The following CSMD2 variants were observed in gnomAD, a reference collection of about 807,000 sequenced individuals.
CSMD2 encodes CUB and Sushi multiple domains 2, also known as CUB and sushi domain-containing protein 2.
Under a neutral mutation model 398.5 loss-of-function variants are expected in CSMD2, and 130 were observed. The observed-to-expected ratio is 0.33, with a 90% confidence interval of 0.28 to 0.38. CSMD2 has a LOEUF of 0.38. Among genes scored for constraint, CSMD2 ranks in the 10% least tolerant of loss-of-function variants. CSMD2 has a pLI of 1.00. For synonymous variants in CSMD2, 1,828 were observed against 1,908.5 expected, an observed-to-expected ratio of 0.96 and a Z score of 1.10; for missense variants, 3,829 against 4,764.9, an observed-to-expected ratio of 0.80 and a Z score of 5.78.
At chr1:33,857,298 C>T (rs1639168726) in intron 5 of CSMD2, among the ~76,000 whole-genome samples, 2 of 152,172 alleles carry the variant, frequency 1.3e-5, no homozygotes, top group South Asian at 4.1e-4. Flanking sequence ...GAGAATTCCT[C>T]TCTTCTTGTA....
In CSMD2 at chr1:33,825,178, G is replaced by A. The variant is rs553247832; in HGVS notation, c.1111+519C>T. 2.7e-5 allele frequency among the ~76,000 whole-genome samples: 4 copies of A among 149,984 alleles called. No homozygotes were observed. The South Asian group carries it at 6.3e-4, about 24-fold the overall frequency. On this transcript the variant is annotated intron_variant, in intron 7 of 70. Transcript: ENST00000373381. Reference sequence around the variant, plus strand: ...GCCCCCAGTGCCTCCCCATTGACCCGAGGCAGGACCCACCCCCACACTTCC... The same window carrying A: ...GCCCCCAGTGCCTCCCCATTGACCCAAGGCAGGACCCACCCCCACACTTCC...
intron 4 of CSMD2, among the ~76,000 whole-genome samples, chr1:33,927,547 A>C (rs1644168946): frequency 6.6e-6 from 1 of 152,174 alleles, no homozygotes; most frequent in Admixed American, 6.5e-5. Context: ...ACAGAGGCTC[A>C]GTGAGTTTTT....
intron 5 of CSMD2, among the ~76,000 whole-genome samples, chr1:33,902,815 G>C (rs1335122364): frequency 6.6e-6 from 1 of 152,116 alleles, no homozygotes; most frequent in African/African-American, 2.4e-5. Flanking sequence ...CCTGAGAGTG[G>C]GAAGCCTGTT....
intron 1 of CSMD2, among the ~76,000 whole-genome samples, chr1:34,125,604 C>T (rs1662663934): frequency 1.3e-5 from 2 of 151,990 alleles, no homozygotes; most frequent in African/African-American, 4.8e-5. Context: ...ACCGTGGTTG[C>T]TCACCAAAAT....
chr1:33,734,488 A>G (rs1646820250), intron 15 of CSMD2, among the ~76,000 whole-genome samples: 1 of 152,118 alleles, frequency 6.6e-6, no homozygotes, highest in Non-Finnish European at 1.5e-5. Flanking sequence ...TTAAAATTTA[A>G]AAAATGAAAA....
rs1641334833 is a variant in CSMD2, at chr1:33,882,894, A to T, written c.920+35200T>A. Among the ~76,000 whole-genome samples the T allele has an allele frequency of 2.0e-5, 3 of 152,192 alleles. No homozygotes were observed. In the South Asian group the frequency reaches 6.2e-4, roughly 32 times the overall value. On this transcript the variant is annotated intron_variant, in intron 5 of 70. Coordinates refer to ENST00000373381, the MANE Select transcript of CSMD2 (RefSeq NM_001281956.2). Reference sequence around the variant, plus strand: ...TGGCTACGGATGCAGTCTAGAGCCAACAGGAGCACCAAATTCAGGCAATCA... The same window carrying T: ...TGGCTACGGATGCAGTCTAGAGCCATCAGGAGCACCAAATTCAGGCAATCA...
intron 5 of CSMD2, among the ~76,000 whole-genome samples, chr1:33,907,337 C>A (rs898692761): frequency 1.3e-5 from 2 of 151,628 alleles, no homozygotes; most frequent in African/African-American, 4.8e-5. Flanking sequence ...CCCTGTTAGC[C>A]AGGATGGTCT....
At chr1:34,058,424 C>T (rs1482793701) in intron 2 of CSMD2, among the ~76,000 whole-genome samples, 2 of 152,178 alleles carry the variant, frequency 1.3e-5, no homozygotes, top group Admixed American at 1.3e-4. Flanking sequence ...AAATCCTCTA[C>T]ATTCCTATAG....
intron 25 of CSMD2, among the ~76,000 whole-genome samples, chr1:33,678,167 C>T (rs1644782689): frequency 6.6e-6 from 1 of 151,782 alleles, no homozygotes; most frequent in Admixed American, 6.6e-5. Flanking sequence ...TGCTCATTCT[C>T]TTGCCATGTG....
At chr1:34,161,816 G>C (rs1344681326) in intron 1 of CSMD2, among the ~76,000 whole-genome samples, 1 of 152,010 alleles carries the variant, frequency 6.6e-6, no homozygotes, top group African/African-American at 2.4e-5. Flanking sequence ...GGCCAAGAAG[G>C]CTTCTTGGCT....
intron 53 of CSMD2, among the ~76,000 whole-genome samples, chr1:33,561,399 C>A (rs1658529302): frequency 6.6e-6 from 1 of 152,162 alleles, no homozygotes; most frequent in South Asian, 2.1e-4. Flanking sequence ...TCACTTTGAG[C>A]CTTGGTTTCT....
chr1:34,095,631 C>T (rs1220598077), intron 1 of CSMD2, among the ~76,000 whole-genome samples: 2 of 151,860 alleles, frequency 1.3e-5, no homozygotes, highest in Non-Finnish European at 2.9e-5. Context: ...ACTACAAACA[C>T]CTCTACGCAA....
intron 3 of CSMD2, among the ~76,000 whole-genome samples, chr1:33,943,178 T>C (rs529700296): frequency 6.6e-6 from 1 of 152,308 alleles, no homozygotes; most frequent in East Asian, 1.9e-4. Context: ...AAGATTAATT[T>C]TTAAAAAAAG....
chr1:33,936,028 A>G, intron 3 of CSMD2, 74 bp from the exon 4 acceptor site: 1 of 1,347,678 alleles, frequency 7.4e-7, no homozygotes, highest in South Asian at 1.4e-5. Flanking sequence ...GCTTCCTAGT[A>G]GCAACTCCCT....
chr1:33,548,000 G>A (rs891632992), intron 56 of CSMD2, among the ~76,000 whole-genome samples: 1 of 152,212 alleles, frequency 6.6e-6, no homozygotes, highest in African/African-American at 2.4e-5. Context: ...TCGTGATAGT[G>A]AGTGAGTTCT....
intron 52 of CSMD2, 36 bp downstream of exon 52, chr1:33,569,338 A>G: frequency 6.3e-7 from 1 of 1,583,454 alleles, no homozygotes; most frequent in Non-Finnish European, 8.6e-7. Flanking sequence ...CTCAAGGAGA[A>G]AAACTGGGCA....
chr1:33,702,240 T>C (rs954599452), intron 22 of CSMD2, among the ~76,000 whole-genome samples: 3 of 152,218 alleles, frequency 2.0e-5, no homozygotes, highest in Non-Finnish European at 2.9e-5. Flanking sequence ...GTGGACCTTA[T>C]TGAATCCTGA....
intron 44 of CSMD2, among the ~76,000 whole-genome samples, chr1:33,590,595 TCACACACACACACACACACA>T (rs10611040): frequency 2.2e-5 from 3 of 137,640 alleles, no homozygotes; most frequent in Non-Finnish European, 3.1e-5. Flanking sequence ...CTATTTCCCA[TCACACACACACACACACACA>T]CACACACACA....
Position 33,739,328 on chromosome 1 carries a change from C to T in CSMD2, c.2180G>A (p.Arg727Gln), listed in dbSNP as rs367988172. The T allele has an allele frequency of 2.5e-5, 40 of 1,612,296 alleles. No individual in the cohort carries two copies. Among genetic ancestry groups the T allele is most frequent in the Non-Finnish European group, 3.1e-5 (37 of 1,179,126 alleles). Residue 727 changes from arginine to glutamine, a missense_variant, in exon 15 of 71, where the codon CGA becomes CAA. Around this residue, in one of 5 missense-constraint regions of CSMD2, gnomAD observed 2,001 missense variants for 2,567.1 expected, o/e 0.78. Coordinates refer to ENST00000373381, the MANE Select transcript of CSMD2 (RefSeq NM_001281956.2). ...RGFNITFTTF[R>Q]HNECPDPGVP... ...GCCAGGATCCGGGCACTCGTTGTGTCGGAAGGCTGTGTAGATGGAGTTCAA... is the reference window on the plus strand; with the variant it reads ...GCCAGGATCCGGGCACTCGTTGTGTTGGAAGGCTGTGTAGATGGAGTTCAA...
Sources: allele counts gnomAD v4.1 joint callset (sites outside exome capture counted in the v4.1 genomes callset), GRCh38; gene constraint gnomAD v4.1.1; regional missense constraint gnomAD v4.1.1; transcripts MANE v1.5; gene names NCBI Gene and HGNC (gene_info 2026-07-23, HGNC 2026-07-21).